Variants in LUC7L2 observed in about 807,000 individuals in gnomAD.
LUC7L2 encodes the protein LUC7 like 2, pre-mRNA splicing factor.
A neutral mutation model predicts 52.8 loss-of-function variants in LUC7L2; 25 were observed. The observed-to-expected ratio is 0.47, with a 90% CI of 0.34 to 0.66. LUC7L2 has a LOEUF of 0.66. LUC7L2 is among the 30% of genes least tolerant of loss of function. LUC7L2 has a pLI of 0.01. For missense variants in LUC7L2, 328 were observed against 497.8 expected, an observed-to-expected ratio of 0.66 and a Z score of 3.25; for synonymous variants, 144 against 160.9, an observed-to-expected ratio of 0.89 and a Z score of 0.80.
chr7:139,393,707 A>G (rs1794543087), intron 2 of LUC7L2, among the ~76,000 whole-genome samples: 1 of 152,106 alleles, frequency 6.6e-6, no homozygotes, highest in South Asian at 2.1e-4. Context: ...TGGCCTCCCA[A>G]GGTGCTGGGA....
At chr7:139,355,499 C>T (rs1799581393), upstream of LUC7L2, among the ~76,000 whole-genome samples, 1 of 152,120 alleles carries the variant, frequency 6.6e-6, no homozygotes, top group African/African-American at 2.4e-5. Context: ...AACAATTGTT[C>T]ACTAAGGTCA....
intron 2 of LUC7L2, among the ~76,000 whole-genome samples, chr7:139,398,249 T>TGA (rs1488738365): frequency 2.6e-5 from 4 of 152,222 alleles, no homozygotes; most frequent in Non-Finnish European, 4.4e-5. Context: ...ATGTATATAT[T>TGA]CTTTTAGTTT....
intron 1 of LUC7L2, among the ~76,000 whole-genome samples, chr7:139,368,675 T>A (rs73472690): frequency 0.062 from 9,365 of 150,518 alleles, 993 homozygotes; most frequent in African/African-American, 0.22. Context: ...GAGACGGAGG[T>A]TGCTGTGAGC....
Position 139,409,522 on chromosome 7 carries a change from G to A in LUC7L2, c.688-41G>A, listed in dbSNP as rs369196645. The A allele has an allele frequency of 1.0e-4, 158 of 1,568,788 alleles. 1 individual carries two copies. Among genetic ancestry groups the A allele is most frequent in the Admixed American group, 1.9e-5 (1 of 52,024 alleles). ...GTTTAGGATAAAGCTGTTTAAGAAT[G>A]GACTCAGTAAATATTCTCCTCATTT... On this transcript the variant is annotated intron_variant, in intron 6 of 9. Transcript: ENST00000354926.
At chr7:139,416,066 T>TATATATAC (rs1795595722) in intron 8 of LUC7L2, 1 of 50,562 alleles carries the variant, frequency 2.0e-5, no homozygotes, top group Admixed American at 1.7e-4. Context: ...TATATATATA[T>TATATATAC]ATATATATAT....
upstream of LUC7L2, among the ~76,000 whole-genome samples, chr7:139,358,395 A>C (rs955734900): frequency 6.6e-6 from 1 of 152,250 alleles, no homozygotes; most frequent in Non-Finnish European, 1.5e-5. Flanking sequence ...GGCGATGAGT[A>C]TACAGTGTTA....
At chr7:139,376,258 G>T (rs1800704960) in intron 2 of LUC7L2, 102 bp downstream of exon 2, 1 of 1,159,720 alleles carries the variant, frequency 8.6e-7, no homozygotes, top group Non-Finnish European at 1.2e-6. Context: ...CTTGTGAGGG[G>T]AGATTTGCAT....
chr7:139,396,879 AT>A (rs1794685290), intron 2 of LUC7L2, among the ~76,000 whole-genome samples: 1 of 152,074 alleles, frequency 6.6e-6, no homozygotes, highest in African/African-American at 2.4e-5. Flanking sequence ...TTATTTGTAA[AT>A]TTATTGTCTT....
At chr7:139,390,893 TA>T (rs1794422101) in intron 2 of LUC7L2, among the ~76,000 whole-genome samples, 1 of 152,200 alleles carries the variant, frequency 6.6e-6, no homozygotes, top group South Asian at 2.1e-4. Flanking sequence ...GAATAAAGCA[TA>T]AAACATGAAT....
At chr7:139,406,542 T>C (rs371405824) in intron 5 of LUC7L2, among the ~76,000 whole-genome samples, 5 of 149,378 alleles carry the variant, frequency 3.3e-5, no homozygotes, top group Non-Finnish European at 5.9e-5. Flanking sequence ...TTAGTAGAGA[T>C]AGGCTTTCAC....
chr7:139,409,677 A>C, intron 7 of LUC7L2, 23 bp downstream of exon 7: 1 of 1,573,572 alleles, frequency 6.4e-7, no homozygotes, highest in South Asian at 1.2e-5. Context: ...GGGCCAAGTA[A>C]TTGAAGTTGA....
chr7:139,371,823 C>T (rs933456424), intron 1 of LUC7L2, among the ~76,000 whole-genome samples: 1 of 152,060 alleles, frequency 6.6e-6, no homozygotes, highest in African/African-American at 2.4e-5. Context: ...TGTCTATATT[C>T]CCTGGTGGAA....
intron 1 of LUC7L2, among the ~76,000 whole-genome samples, chr7:139,342,154 C>G (rs1472782589): frequency 6.6e-6 from 1 of 151,440 alleles, no homozygotes; most frequent in African/African-American, 2.4e-5. Flanking sequence ...TGCTAGGAAC[C>G]TGGTCTAAAC....
At chr7:139,405,811 G>T in intron 5 of LUC7L2, 24 bp downstream of exon 5, 1 of 1,570,488 alleles carries the variant, frequency 6.4e-7, no homozygotes, top group South Asian at 1.2e-5. Flanking sequence ...AGTAGTAGAC[G>T]AATTCTGCTT....
intron 2 of LUC7L2, among the ~76,000 whole-genome samples, chr7:139,394,283 G>A (rs190830286): frequency 4.3e-4 from 66 of 152,204 alleles, no homozygotes; most frequent in Non-Finnish European, 8.1e-4. Flanking sequence ...TAGGCACATC[G>A]TAGATAAAAC....
intron 2 of LUC7L2, among the ~76,000 whole-genome samples, chr7:139,388,733 C>T (rs1465990105): frequency 6.6e-6 from 1 of 151,098 alleles, no homozygotes; most frequent in African/African-American, 2.4e-5. Context: ...CCTCATAGAT[C>T]AGTTTTCCCA....
chr7:139,421,952 C>T (rs1795927835), intron 9 of LUC7L2, among the ~76,000 whole-genome samples: 1 of 151,958 alleles, frequency 6.6e-6, no homozygotes, highest in East Asian at 1.9e-4. Flanking sequence ...GCCTTCTGAC[C>T]CTCTGCTATT....
chr7:139,362,261 GTTTT>G (rs900065174), intron 1 of LUC7L2, among the ~76,000 whole-genome samples: 2 of 151,772 alleles, frequency 1.3e-5, no homozygotes, highest in African/African-American at 4.8e-5. Flanking sequence ...ATTGAGTGGA[GTTTT>G]TTTTAGATAT....
chr7:139,404,231 C>G (rs66491565), intron 4 of LUC7L2, among the ~76,000 whole-genome samples: 39,610 of 152,070 alleles, frequency 0.26, 5,650 homozygotes, highest in African/African-American at 0.37. Flanking sequence ...AACCTTCGGC[C>G]GGGCGTGGTG....
Sources: allele counts gnomAD v4.1 joint callset (sites outside exome capture counted in the v4.1 genomes callset), GRCh38; gene constraint gnomAD v4.1.1; transcripts MANE v1.5; gene names NCBI Gene and HGNC (gene_info 2026-07-23, HGNC 2026-07-21).